The following USP16 variants were observed in gnomAD, a reference collection of about 807,000 sequenced individuals.
The protein encoded by USP16 is ubiquitin carboxyl-terminal hydrolase 16.
In USP16, 77 loss-of-function variants were observed where a neutral mutation model predicts 95.9. The observed-to-expected ratio is 0.80, with a 90% CI of 0.67 to 0.97. The LOEUF (loss-of-function observed/expected upper bound fraction) is 0.97. USP16 is among the 50% of genes least tolerant of loss of function. The pLI, the probability that USP16 is intolerant of heterozygous loss-of-function variation, is 0.00. For synonymous variants in USP16, 303 were observed against 318.2 expected, an observed-to-expected ratio of 0.95 and a Z score of 0.51; for missense variants, 943 against 959.9, an observed-to-expected ratio of 0.98 and a Z score of 0.23.
At chr21:29,033,520 A>G (rs2085107726) in intron 3 of USP16, among the ~76,000 whole-genome samples, 1 of 152,240 alleles carries the variant, frequency 6.6e-6, no homozygotes, top group Non-Finnish European at 1.5e-5. Context: ...CAGTGAAGAT[A>G]TGTTTCTCAG....
In USP16 at chr21:29,037,428, T is replaced by A; in HGVS notation, c.601T>A (p.Leu201Met). ...AATAACCGTGAAAGGACTCAGTAAT[T>A]TGGGAAACACATGTTTCTTCAATGC... Reference protein sequence around the residue: ...CQITVKGLSNLGNTCFFNAVM... With the variant: ...CQITVKGLSNMGNTCFFNAVM... Residue 201 changes from leucine to methionine, a missense_variant, in exon 6 of 18, where the codon TTG becomes ATG. Transcript: ENST00000399976. 6.3e-7 allele frequency: 1 copy of A among 1,599,606 alleles called. No homozygotes were observed. Among genetic ancestry groups the A allele is most frequent in the Middle Eastern group, 1.7e-4 (1 of 5,980 alleles).
At chr21:29,043,660 T>C (rs1339630325) in intron 13 of USP16, 61 bp downstream of exon 13, 6 of 1,399,436 alleles carry the variant, frequency 4.3e-6, no homozygotes, top group East Asian at 2.5e-5. Flanking sequence ...ATTGAGTTTG[T>C]AGTCTGAATG....
intron 16 of USP16, among the ~76,000 whole-genome samples, chr21:29,050,462 T>G (rs2085397149): frequency 6.6e-6 from 1 of 152,202 alleles, no homozygotes; most frequent in Non-Finnish European, 1.5e-5. Context: ...ATAATCTGTT[T>G]AATGTGGTTG....
At chr21:29,038,997 A>C in intron 7 of USP16, 29 bp from the exon 8 acceptor site, 1 of 1,469,670 alleles carries the variant, frequency 6.8e-7, no homozygotes, top group Non-Finnish European at 9.0e-7. Context: ...AATTTGACTG[A>C]AGAAAGTAAT....
chr21:29,024,829 C>A, intron 1 of USP16, 52 bp downstream of exon 1: 1 of 1,243,670 alleles, frequency 8.0e-7, no homozygotes, highest in Non-Finnish European at 1.0e-6. Flanking sequence ...GCTTTCTGCG[C>A]TGGGAGAGCT....
At chr21:29,036,115 T>A (rs2146371191) in intron 4 of USP16, among the ~76,000 whole-genome samples, 156 bp from the exon 5 acceptor site, 1 of 152,346 alleles carries the variant, frequency 6.6e-6, no homozygotes, top group African/African-American at 2.4e-5. Flanking sequence ...CCAGAGTTAA[T>A]ATGCATAGTC....
chr21:29,038,306 TTC>T (rs2085192386), intron 6 of USP16, 27 bp from the exon 7 acceptor site: 2 of 1,499,566 alleles, frequency 1.3e-6, no homozygotes, highest in East Asian at 2.3e-5. Context: ...TAAATAATTT[TTC>T]TCTTTTTTTT....
chr21:29,039,623 CTCATTTGATA>C, intron 9 of USP16, 55 bp downstream of exon 9: 2 of 1,535,678 alleles, frequency 1.3e-6, no homozygotes, highest in Non-Finnish European at 1.8e-6. Context: ...AGCTTTCTGT[CTCATTTGATA>C]TCTTACGAGT....
intron 1 of USP16, among the ~76,000 whole-genome samples, chr21:29,025,208 C>A (rs1198094960): frequency 6.6e-6 from 1 of 152,148 alleles, no homozygotes; most frequent in Non-Finnish European, 1.5e-5. Flanking sequence ...TTGATATACG[C>A]AAAACTTGAA....
intron 14 of USP16, among the ~76,000 whole-genome samples, chr21:29,048,051 G>A (rs1454627559): frequency 3.7e-5 from 1 of 27,044 alleles, no homozygotes; most frequent in Non-Finnish European, 9.3e-5. Flanking sequence ...GACGATACGT[G>A]TGTGTGTGTG....
At chr21:29,031,297 A>AGCTC (rs1190652694) in intron 3 of USP16, among the ~76,000 whole-genome samples, 1 of 152,340 alleles carries the variant, frequency 6.6e-6, no homozygotes, top group East Asian at 1.9e-4. Flanking sequence ...CTACTCTACC[A>AGCTC]GCTCACAGTT....
chr21:29,037,736 C>T (rs1406251088), intron 6 of USP16, among the ~76,000 whole-genome samples: 2 of 152,050 alleles, frequency 1.3e-5, no homozygotes, highest in African/African-American at 4.8e-5. Context: ...CAGGCATGCG[C>T]CACCACTCCC....
rs1484683118 is a variant in USP16 at position 29,032,322 on chromosome 21, C to T, written c.240+1549C>T. Among the ~76,000 whole-genome samples, 4 of 152,216 alleles carry T rather than the reference C, an allele frequency of 2.6e-5. No individual in the cohort carries two copies. In the South Asian group the frequency reaches 8.3e-4, roughly 32 times the overall value. ...TCACGGCTCACGGCAGCCTTCACCT[C>T]CCAGGCTCAAGTGATCCTCCCACCT... On this transcript the variant is annotated intron_variant, in intron 3 of 17. Transcript: ENST00000399976.
At chr21:29,025,772 G>A in intron 1 of USP16, 1 of 974,042 alleles carries the variant, frequency 1.0e-6, no homozygotes, top group Non-Finnish European at 1.2e-6. Flanking sequence ...TATGCCTCAG[G>A]TACTATTCTA....
chr21:29,025,535 T>A (rs905701407), intron 1 of USP16, among the ~76,000 whole-genome samples: 1 of 152,230 alleles, frequency 6.6e-6, no homozygotes, highest in South Asian at 2.1e-4. Context: ...CTGAGGCTCT[T>A]TCCGCAGCAC....
intron 11 of USP16, 26 bp from the exon 12 acceptor site, chr21:29,042,446 T>C (rs1242051585): frequency 8.8e-6 from 14 of 1,596,678 alleles, no homozygotes; most frequent in Non-Finnish European, 1.1e-5. Context: ...TTTACATTTT[T>C]ACACTGTCTT....
intron 13 of USP16, among the ~76,000 whole-genome samples, chr21:29,044,437 C>G (rs972090857): frequency 8.5e-5 from 12 of 141,080 alleles, no homozygotes; most frequent in Non-Finnish European, 1.5e-4. Context: ...GTATATAAAA[C>G]TTCTTCATTC....
chr21:29,041,902 G>A (rs2085248679), intron 10 of USP16, 111 bp from the exon 11 acceptor site: 1 of 870,428 alleles, frequency 1.1e-6, no homozygotes, highest in Non-Finnish European at 1.8e-6. Flanking sequence ...CTGTGGGACA[G>A]GAAATTTAAA....
chr21:29,050,904 G>C (rs1235051032), intron 16 of USP16, among the ~76,000 whole-genome samples: 1 of 152,172 alleles, frequency 6.6e-6, no homozygotes, highest in Admixed American at 6.6e-5. Context: ...ATGTATGAAG[G>C]CTGAATTTTA....
Sources: gnomAD v4.1 joint callset for allele counts (sites outside exome capture counted in the v4.1 genomes callset) on GRCh38, gnomAD v4.1.1 for gene constraint, MANE v1.5 for transcripts, NCBI Gene and HGNC (gene_info 2026-07-23, HGNC 2026-07-21) for gene names.